The following ATRNL1 variants were observed in gnomAD, a reference collection of about 807,000 sequenced individuals.
ATRNL1 encodes the protein attractin like 1, also known as attractin-like protein 1.
In ATRNL1, 95 loss-of-function variants were observed where a neutral mutation model predicts 182.7. That is an observed-to-expected ratio of 0.52 (90% CI 0.44 to 0.62). The LOEUF (loss-of-function observed/expected upper bound fraction) is 0.62, where lower values mean the gene tolerates loss of function less well. Among genes scored for constraint, ATRNL1 ranks in the 20% least tolerant of loss-of-function variants. The probability of loss-of-function intolerance (pLI) is 0.00; values close to 1 mark genes in which losing one functional copy is unlikely to be tolerated. For synonymous variants in ATRNL1, 576 were observed against 568.3 expected (o/e 1.01, Z -0.19); for missense variants, 1,471 against 1,679.5 (o/e 0.88, Z 2.17).
intron 28 of ATRNL1, among the ~76,000 whole-genome samples, chr10:115,896,123 G>A (rs1457927451): frequency 6.6e-6 from 1 of 152,130 alleles, no homozygotes; most frequent in East Asian, 1.9e-4. Flanking sequence ...AACACGTTCA[G>A]CAGACTGATT....
chr10:115,118,728 CA>C (rs1481742305), intron 1 of ATRNL1, among the ~76,000 whole-genome samples: 2 of 152,142 alleles, frequency 1.3e-5, no homozygotes, highest in African/African-American at 4.8e-5. Context: ...TCTAAATAAG[CA>C]AATCTCTCAG....
chr10:115,165,541 T>C lies in ATRNL1; in HGVS notation c.1005-17T>C. 2 of 1,394,340 alleles carry C rather than the reference T, an allele frequency of 1.4e-6. No homozygotes were observed. Among genetic ancestry groups the C allele is most frequent in the East Asian group, 2.4e-5 (1 of 41,378 alleles). The allele number at this position is 1,394,340 out of a possible 1,614,324, so 86.4% of individuals were successfully genotyped here. ...TGAATCTTAGCTTATGAAGTTATTT[T>C]CTTTTCTTGCTTTTAGTTACAATTT... On this transcript the variant is annotated splice_polypyrimidine_tract_variant and intron_variant, in intron 6 of 28. Transcript: ENST00000355044.
chr10:115,890,466 G>A (rs1196030215), intron 28 of ATRNL1, among the ~76,000 whole-genome samples: 2 of 152,086 alleles, frequency 1.3e-5, no homozygotes, highest in South Asian at 4.1e-4. Flanking sequence ...GTATAAAAGG[G>A]CCTTTATGTG....
chr10:115,626,398 A>G (rs1441030903), intron 26 of ATRNL1, among the ~76,000 whole-genome samples: 1 of 152,162 alleles, frequency 6.6e-6, no homozygotes, highest in Non-Finnish European at 1.5e-5. Context: ...GGTAATAGTA[A>G]TTTGGCTCAA....
At chr10:115,701,794 G>A (rs1212980884) in intron 26 of ATRNL1, among the ~76,000 whole-genome samples, 1 of 151,794 alleles carries the variant, frequency 6.6e-6, no homozygotes, top group Non-Finnish European at 1.5e-5. Flanking sequence ...TTCTAAAACT[G>A]AATCAGTAGT....
intron 26 of ATRNL1, among the ~76,000 whole-genome samples, chr10:115,611,415 G>C (rs181695731): frequency 4.1e-4 from 63 of 152,076 alleles, no homozygotes; most frequent in African/African-American, 1.5e-3. Flanking sequence ...AACAGAGGTA[G>C]ATATATTAGA....
Position 115,847,973 on chromosome 10 carries a change from C to T in ATRNL1, c.4000C>T (p.Pro1334Ser). 1.2e-6 allele frequency: 2 copies of T among 1,606,776 alleles called. No homozygotes were observed. Among genetic ancestry groups the T allele is most frequent in the Non-Finnish European group, 1.7e-6 (2 of 1,173,818 alleles). ...LCLPRGSSGA[P>S]PPGQSGLAIA... ...TCTACCACGAGGATCATCAGGTGCC[C>T]CTCCCCCTGGGCAGTCAGGTATGAT... Residue 1334 changes from proline (P) to serine (S), a missense_variant, in exon 28 of 29, where the codon CCT (proline) becomes TCT (serine). Pro to Ser is a moderately conservative substitution (Grantham distance 74, BLOSUM62 -1). Transcript: ENST00000355044.
At chr10:115,724,438 T>C (rs1473534860) in intron 26 of ATRNL1, among the ~76,000 whole-genome samples, 1 of 152,190 alleles carries the variant, frequency 6.6e-6, no homozygotes, top group African/African-American at 2.4e-5. Flanking sequence ...AAATTTAACA[T>C]TATAATTGTA....
rs184620517 is a variant in ATRNL1 at position 115,666,262 on chromosome 10, A to C, written c.3796-60986A>C. Reference sequence around the variant, plus strand: ...TGAAAAACACTGACTTACACTGTCTAAATATTGGCTGTTATGATTAACTGA... The same window carrying C: ...TGAAAAACACTGACTTACACTGTCTCAATATTGGCTGTTATGATTAACTGA... On this transcript the variant is annotated intron_variant, in intron 26 of 28. Transcript: ENST00000355044. Among the ~76,000 whole-genome samples, 411 of 152,322 alleles carry C rather than the reference A, an allele frequency of 2.7e-3. 1 individual carries two copies. The highest frequency in any genetic ancestry group is 9.2e-3 in the African/African-American group (381 of 41,584).
At chr10:115,649,852 A>G (rs1041357278) in intron 26 of ATRNL1, among the ~76,000 whole-genome samples, 2 of 152,150 alleles carry the variant, frequency 1.3e-5, no homozygotes, top group Admixed American at 1.3e-4. Flanking sequence ...TTTTTATGGC[A>G]TGGAACTTCA....
intron 5 of ATRNL1, among the ~76,000 whole-genome samples, chr10:115,141,421 C>G (rs782638675): frequency 2.3e-4 from 35 of 151,978 alleles, no homozygotes; most frequent in Middle Eastern, 3.4e-3. Flanking sequence ...TGTTTCAATC[C>G]TTTGGTTTTA....
chr10:115,564,315 G>C (rs1853941575), intron 26 of ATRNL1, among the ~76,000 whole-genome samples: 1 of 151,900 alleles, frequency 6.6e-6, no homozygotes, highest in Admixed American at 6.6e-5. Context: ...TAACAATTAT[G>C]AAGCATTGTA....
chr10:115,302,689 A>G (rs930708870), intron 17 of ATRNL1, among the ~76,000 whole-genome samples: 1 of 152,192 alleles, frequency 6.6e-6, no homozygotes, highest in East Asian at 1.9e-4. Flanking sequence ...ACTATAGGAT[A>G]AGGCTGCACC....
chr10:115,395,310 A>C (rs1844232466), intron 20 of ATRNL1, among the ~76,000 whole-genome samples: 1 of 151,974 alleles, frequency 6.6e-6, no homozygotes, highest in Admixed American at 6.6e-5. Context: ...GCTGCAGTGA[A>C]CATATAGGTG....
intron 8 of ATRNL1, among the ~76,000 whole-genome samples, chr10:115,206,549 T>A (rs1282988853): frequency 6.6e-6 from 1 of 151,896 alleles, no homozygotes; most frequent in African/African-American, 2.4e-5. Context: ...AAGAACACAA[T>A]AAATTGTTCT....
chr10:115,180,092 G>A (rs1431860922), intron 8 of ATRNL1, among the ~76,000 whole-genome samples: 5 of 151,878 alleles, frequency 3.3e-5, no homozygotes, highest in Non-Finnish European at 7.4e-5. Context: ...TACCTCCAAA[G>A]TGTATTTGAT....
chr10:115,673,501 T>C (rs1981663), intron 26 of ATRNL1, among the ~76,000 whole-genome samples: 96,655 of 151,828 alleles, frequency 0.64, 31,300 homozygotes, highest in East Asian at 0.96. Flanking sequence ...AACAGTGGTA[T>C]CTCCATTGGT....
intron 27 of ATRNL1, among the ~76,000 whole-genome samples, chr10:115,805,145 C>G (rs1234653691): frequency 6.6e-6 from 1 of 152,146 alleles, no homozygotes; most frequent in African/African-American, 2.4e-5. Flanking sequence ...GAAGCAGCCC[C>G]TTGGTTATTT....
rs556070946 is a variant in ATRNL1 at position 115,640,158 on chromosome 10, C to A, written c.3796-87090C>A. On this transcript the variant is annotated intron_variant, in intron 26 of 28. Coordinates refer to ENST00000355044, the MANE Select transcript of ATRNL1 (RefSeq NM_207303.4). ...CCATGGCATATATGTGCCACATTTT[C>A]TTTATCCAGTCTATCACTGATGGGC... Among the ~76,000 whole-genome samples, 51 of 152,306 alleles carry A rather than the reference C, an allele frequency of 3.3e-4. 1 individual carries two copies. In the South Asian group the frequency reaches 9.9e-3, roughly 30 times the overall value.
Sources: allele counts gnomAD v4.1 joint callset (sites outside exome capture counted in the v4.1 genomes callset), GRCh38; gene constraint gnomAD v4.1.1; transcripts MANE v1.5; gene names NCBI Gene and HGNC (gene_info 2026-07-23, HGNC 2026-07-21).